The following CYTH1 variants were observed in gnomAD, a reference collection of about 807,000 sequenced individuals.
The protein encoded by CYTH1 is cytohesin 1.
Under a neutral mutation model 61.8 loss-of-function variants are expected in CYTH1, and 18 were observed. The observed-to-expected ratio is 0.29, with a 90% CI of 0.20 to 0.43. CYTH1 has a LOEUF of 0.43. Ranked by LOEUF, CYTH1 falls within the 20% of genes least tolerant of loss-of-function variation. The pLI is 1.00. For missense variants in CYTH1, 336 were observed against 510.5 expected (o/e 0.66, Z 3.29); for synonymous variants, 174 against 184.3 (o/e 0.94, Z 0.45).
At chr17:78,707,036 T>G (rs2093074406) in intron 3 of CYTH1, among the ~76,000 whole-genome samples, 1 of 152,264 alleles carries the variant, frequency 6.6e-6, no homozygotes, top group Non-Finnish European at 1.5e-5. Context: ...GCGGAAGTTT[T>G]AAATTTTTAT....
intron 1 of CYTH1, among the ~76,000 whole-genome samples, chr17:78,746,391 T>C (rs1235462828): frequency 5.9e-5 from 9 of 152,164 alleles, no homozygotes; most frequent in Admixed American, 5.9e-4. Flanking sequence ...CCTCACCATG[T>C]AGACTAATGA....
intron 11 of CYTH1, chr17:78,691,351 G>A (rs2092883982): frequency 6.6e-6 from 1 of 152,262 alleles, no homozygotes; most frequent in South Asian, 2.1e-4. Flanking sequence ...AACGCTAAGT[G>A]TTAGACACGA....
In CYTH1 at chr17:78,708,122, C is replaced by T. The variant is rs371116998; in HGVS notation, c.170+75G>A. On this transcript the variant is annotated intron_variant, in intron 3 of 13. Transcript: ENST00000446868. ...GCTGACTTTTTCCTTCAATGTGCCA[C>T]GTAAGCATAATTAAGGCCTGGGTGC... The T allele has an allele frequency of 3.7e-5, 54 of 1,459,164 alleles. No individual in the cohort carries two copies. The East Asian group carries it at 6.6e-4, about 18-fold the overall frequency. The allele number at this position is 1,459,164 out of a possible 1,614,324, so 90.4% of individuals were successfully genotyped here.
At position 78,764,505 on chromosome 17, in the gene CYTH1, T is replaced by A. The variant is rs1195452436; in HGVS notation, c.22+17697A>T. ...ATTTGTACTGAAATCTCTGAATGCA[T>A]AAAAAATGTCTCTATAAACTTCCCA... On this transcript the variant is annotated intron_variant, in intron 1 of 13. Transcript: ENST00000446868. 2.0e-5 allele frequency among the ~76,000 whole-genome samples: 3 copies of A among 152,242 alleles called. No individual in the cohort carries two copies. In the East Asian group the frequency reaches 5.8e-4, roughly 29 times the overall value.
chr17:78,730,141 T>C (rs2093285371), intron 1 of CYTH1, among the ~76,000 whole-genome samples: 1 of 152,052 alleles, frequency 6.6e-6, no homozygotes, highest in South Asian at 2.1e-4. Context: ...GTATGTGGTC[T>C]CTCGTCTGAA....
At chr17:78,680,633 G>A (rs1450153113) in intron 12 of CYTH1, among the ~76,000 whole-genome samples, 1 of 152,180 alleles carries the variant, frequency 6.6e-6, no homozygotes, top group Non-Finnish European at 1.5e-5. Context: ...CTTCAAGCCA[G>A]TAACATCCTG....
At position 78,775,136 on chromosome 17, in the gene CYTH1, T is replaced by A. The variant is rs184117410; in HGVS notation, c.22+7066A>T. On this transcript the variant is annotated intron_variant, in intron 1 of 13. Coordinates refer to ENST00000446868, the MANE Select transcript of CYTH1 (RefSeq NM_004762.6). ...CACCATCCACAGACCACAGGGTTAG[T>A]CCTCCTGAGGTCCCTCTGTGTGTTA... Among the ~76,000 whole-genome samples the A allele has an allele frequency of 9.2e-5, 14 of 152,270 alleles. No homozygotes were observed. The East Asian group carries it at 2.7e-3, about 29-fold the overall frequency.
intron 7 of CYTH1, among the ~76,000 whole-genome samples, chr17:78,699,739 A>C (rs971772647): frequency 3.3e-5 from 5 of 152,172 alleles, no homozygotes; most frequent in Non-Finnish European, 7.4e-5. Context: ...GCTAATCTTA[A>C]TATCATTCTC....
chr17:78,763,160 G>A (rs778946465), intron 1 of CYTH1, among the ~76,000 whole-genome samples: 2 of 151,964 alleles, frequency 1.3e-5, no homozygotes, highest in African/African-American at 2.4e-5. Flanking sequence ...CCTGGCCAAC[G>A]TGGTAAAACC....
At chr17:78,761,160 A>C (rs2093427149) in intron 1 of CYTH1, among the ~76,000 whole-genome samples, 1 of 152,086 alleles carries the variant, frequency 6.6e-6, no homozygotes, top group African/African-American at 2.4e-5. Flanking sequence ...TCAGTCACAT[A>C]GCAATGCTAC....
At chr17:78,720,486 T>C (rs999440481) in intron 1 of CYTH1, among the ~76,000 whole-genome samples, 4 of 152,194 alleles carry the variant, frequency 2.6e-5, no homozygotes, top group African/African-American at 4.8e-5. Flanking sequence ...GCCCAGCTAA[T>C]TTTTGTATTT....
intron 1 of CYTH1, among the ~76,000 whole-genome samples, chr17:78,747,376 G>GCA (rs1158057348): frequency 6.6e-6 from 1 of 152,114 alleles, no homozygotes; most frequent in Non-Finnish European, 1.5e-5. Flanking sequence ...CTCAAATACT[G>GCA]CACTGCGGTC....
At chr17:78,736,218 A>AT (rs2093319291) in intron 1 of CYTH1, among the ~76,000 whole-genome samples, 1 of 152,130 alleles carries the variant, frequency 6.6e-6, no homozygotes, top group African/African-American at 2.4e-5. Flanking sequence ...TTCTTTCTGG[A>AT]TATTTGTGGA....
Position 78,748,576 on chromosome 17 carries a change from G to C in CYTH1, c.22+33626C>G, listed in dbSNP as rs149641536. 8.8e-3 allele frequency among the ~76,000 whole-genome samples: 1,337 copies of C among 152,184 alleles called. 23 individuals carry two copies. The highest frequency in any genetic ancestry group is 0.03 in the African/African-American group (1,242 of 41,504). On this transcript the variant is annotated intron_variant, in intron 1 of 13. Coordinates refer to ENST00000446868, the MANE Select transcript of CYTH1 (RefSeq NM_004762.6). The stretch of plus-strand genomic sequence containing the variant: ...TACAGGAGAATTGTCTGAAGAAGGG[G>C]GTAAGGGAGATTATTCAATTAATTC...
At chr17:78,746,569 T>C (rs1480105598) in intron 1 of CYTH1, among the ~76,000 whole-genome samples, 1 of 152,214 alleles carries the variant, frequency 6.6e-6, no homozygotes, top group African/African-American at 2.4e-5. Context: ...ACTTTCCATC[T>C]GAAAGAGCCT....
intron 1 of CYTH1, among the ~76,000 whole-genome samples, chr17:78,713,532 C>T (rs1422260641): frequency 2.0e-5 from 3 of 152,018 alleles, no homozygotes; most frequent in East Asian, 1.9e-4. Flanking sequence ...ACAGAGCAAT[C>T]GTATAAAAGA....
At chr17:78,752,955 C>A (rs2093386297) in intron 1 of CYTH1, among the ~76,000 whole-genome samples, 1 of 152,118 alleles carries the variant, frequency 6.6e-6, no homozygotes, top group Non-Finnish European at 1.5e-5. Context: ...TCTTGGGAAA[C>A]AGGACACACA....
chr17:78,723,077 G>A (rs1196117212), intron 1 of CYTH1: 1 of 152,450 alleles, frequency 6.6e-6, no homozygotes, highest in Non-Finnish European at 1.5e-5. Flanking sequence ...CAGACCCAAA[G>A]GACAGACATG....
chr17:78,699,096 GT>G, intron 7 of CYTH1, 128 bp from the exon 8 acceptor site: 2 of 1,157,646 alleles, frequency 1.7e-6, no homozygotes, highest in Non-Finnish European at 2.5e-6. Flanking sequence ...GCCAGATGCA[GT>G]GGCTTACACC....
Sources: allele counts gnomAD v4.1 joint callset (sites outside exome capture counted in the v4.1 genomes callset), GRCh38; gene constraint gnomAD v4.1.1; transcripts MANE v1.5; gene names NCBI Gene and HGNC (gene_info 2026-07-23, HGNC 2026-07-21).